The following MOB1B variants were observed in gnomAD, a reference collection of about 807,000 sequenced individuals.
MOB1B encodes MOB1 Mps One Binder homolog B.
Under a neutral mutation model 24.4 loss-of-function variants are expected in MOB1B, and 19 were observed. The ratio of observed to expected loss-of-function variants is 0.78; its 90% confidence interval spans 0.54 to 1.14. The LOEUF (loss-of-function observed/expected upper bound fraction) is 1.14. Among genes scored for constraint, MOB1B ranks in the 50% most tolerant of loss-of-function variants. MOB1B has a pLI of 0.00. For synonymous variants in MOB1B, 76 were observed against 82.1 expected, an observed-to-expected ratio of 0.93 and a Z score of 0.40; for missense variants, 243 against 259.6, an observed-to-expected ratio of 0.94 and a Z score of 0.44.
At position 70,954,478 on chromosome 4, in the gene MOB1B, C is replaced by T. The variant is rs185153975; in HGVS notation, c.15-4396C>T. On this transcript the variant is annotated intron_variant, in intron 1 of 5. Coordinates refer to ENST00000309395, the MANE Select transcript of MOB1B (RefSeq NM_173468.4). ...TTTTCTTTTTCTTTTTCTTTTGAGA[C>T]GGAGTCTTGCTGTGTCACCCAGGCT... Among the ~76,000 whole-genome samples, 529 of 152,254 alleles carry T rather than the reference C, an allele frequency of 3.5e-3. 2 individuals carry two copies. The highest frequency in any genetic ancestry group is 0.012 in the African/African-American group (487 of 41,536).
chr4:70,972,092 C>G (rs1315703875), intron 3 of MOB1B, among the ~76,000 whole-genome samples: 3 of 151,848 alleles, frequency 2.0e-5, no homozygotes, highest in African/African-American at 7.3e-5. Context: ...TTCATTTTTA[C>G]CAGCAGATGC....
chr4:70,915,163 C>T (rs965195944), intron 1 of MOB1B, among the ~76,000 whole-genome samples: 1 of 152,078 alleles, frequency 6.6e-6, no homozygotes, highest in African/African-American at 2.4e-5. Flanking sequence ...CAATTTCTAT[C>T]GGTTTGTTAT....
chr4:70,948,653 T>A (rs1290797549), intron 1 of MOB1B, among the ~76,000 whole-genome samples: 2 of 152,202 alleles, frequency 1.3e-5, no homozygotes, highest in African/African-American at 4.8e-5. Context: ...TGTTGAGTAG[T>A]TCTTTCATGG....
At chr4:70,943,723 C>T (rs916757332) in intron 1 of MOB1B, among the ~76,000 whole-genome samples, 2 of 152,030 alleles carry the variant, frequency 1.3e-5, no homozygotes, top group Non-Finnish European at 2.9e-5. Context: ...GAAGACTATA[C>T]GTGTACCTAA....
At chr4:70,966,995 T>A (rs987143761) in intron 2 of MOB1B, among the ~76,000 whole-genome samples, 2 of 152,206 alleles carry the variant, frequency 1.3e-5, no homozygotes, top group Non-Finnish European at 2.9e-5. Flanking sequence ...AAAAGGGTTA[T>A]CAAGTAATAG....
At chr4:70,919,649 C>A (rs1471022698) in intron 1 of MOB1B, among the ~76,000 whole-genome samples, 2 of 152,150 alleles carry the variant, frequency 1.3e-5, no homozygotes, top group Non-Finnish European at 2.9e-5. Flanking sequence ...CAGGCGCGCA[C>A]CACCATGCCA....
intron 1 of MOB1B, among the ~76,000 whole-genome samples, chr4:70,946,105 T>G (rs1372917205): frequency 6.8e-6 from 1 of 147,408 alleles, no homozygotes; most frequent in Non-Finnish European, 1.5e-5. Flanking sequence ...TTTTTTTTTT[T>G]TGGCCAAAGT....
intron 5 of MOB1B, among the ~76,000 whole-genome samples, chr4:70,980,976 C>T (rs982972181): frequency 1.3e-5 from 2 of 152,068 alleles, no homozygotes; most frequent in East Asian, 1.9e-4. Flanking sequence ...TGGCTTTCCT[C>T]ATGTCACTAC....
intron 1 of MOB1B, among the ~76,000 whole-genome samples, chr4:70,943,705 T>C (rs1433499264): frequency 6.6e-6 from 1 of 152,156 alleles, no homozygotes; most frequent in African/African-American, 2.4e-5. Flanking sequence ...TTGGTAAATA[T>C]AGTAGTAGAA....
chr4:70,983,414 T>G lies in MOB1B; in HGVS notation c.*1357T>G, dbSNP rs546434397. ...TTCTAAATTTTATTCGCCATGACTT[T>G]CTAGTGAATTATTACCATAAATAAC... On this transcript the variant is annotated 3_prime_UTR_variant, in exon 6 of 6. Transcript: ENST00000309395. The G allele has an allele frequency of 1.3e-5, 2 of 152,636 alleles. No individual in the cohort carries two copies. Among genetic ancestry groups the G allele is most frequent in the South Asian group, 4.1e-4 (2 of 4,830 alleles). The allele number at this position is 152,636 out of a possible 1,614,324, so 9.5% of individuals were successfully genotyped here.
chr4:70,909,250 C>G (rs1449642904), intron 1 of MOB1B, among the ~76,000 whole-genome samples: 1 of 152,030 alleles, frequency 6.6e-6, no homozygotes, highest in African/African-American at 2.4e-5. Context: ...TCACTTCCCC[C>G]CAAGCCCCCA....
intron 1 of MOB1B, among the ~76,000 whole-genome samples, chr4:70,937,021 A>G (rs1018593635): frequency 7.2e-5 from 11 of 152,040 alleles, no homozygotes; most frequent in African/African-American, 2.7e-4. Flanking sequence ...GGTTCAAGCT[A>G]TTCTCCTGCC....
In MOB1B at chr4:70,944,715, G is replaced by A. The variant is rs145241432; in HGVS notation, c.15-14159G>A. Among the ~76,000 whole-genome samples, 553 of 152,212 alleles carry A rather than the reference G, an allele frequency of 3.6e-3. 2 individuals carry two copies. Among genetic ancestry groups the A allele is most frequent in the African/African-American group, 7.6e-3 (317 of 41,508 alleles). ...AGAAGGCAAAAGGGAGAGCAGGTAC[G>A]TCACATGGCAAAAGTAGGAGCAAGA... On this transcript the variant is annotated intron_variant, in intron 1 of 5. Coordinates refer to ENST00000309395, the MANE Select transcript of MOB1B (RefSeq NM_173468.4).
intron 4 of MOB1B, chr4:70,976,655 A>T: frequency 1.0e-6 from 1 of 968,978 alleles, no homozygotes; most frequent in Non-Finnish European, 1.2e-6. Context: ...ACAACAATAT[A>T]AATAGTTGTT....
chr4:70,979,457 A>G (rs1406780475), intron 5 of MOB1B, among the ~76,000 whole-genome samples, 166 bp downstream of exon 5: 1 of 152,054 alleles, frequency 6.6e-6, no homozygotes, highest in African/African-American at 2.4e-5. Context: ...TTTGTTTCTA[A>G]ATTTTATTAG....
At chr4:70,907,495 G>T (rs7692779) in intron 1 of MOB1B, among the ~76,000 whole-genome samples, 122,989 of 152,150 alleles carry the variant, frequency 0.81, 53,085 homozygotes, top group Non-Finnish European at 0.96. Context: ...ATTTGGAACG[G>T]AGTTAAAACA....
intron 2 of MOB1B, among the ~76,000 whole-genome samples, chr4:70,964,173 T>G (rs925744859): frequency 1.7e-4 from 26 of 152,220 alleles, no homozygotes; most frequent in Admixed American, 1.1e-3. Context: ...ATGGTCATAA[T>G]GGGAGATTTT....
rs977642180 is a variant in MOB1B at position 70,955,073 on chromosome 4, A to G, written c.15-3801A>G. The stretch of plus-strand genomic sequence containing the variant: ...AGTGCTGGGACTACAGGCATGAGCC[A>G]CTGTGCCCGGCCTAGATTTTATTTT... On this transcript the variant is annotated intron_variant, in intron 1 of 5. Transcript: ENST00000309395. Among the ~76,000 whole-genome samples, 3 of 152,254 alleles carry G rather than the reference A, an allele frequency of 2.0e-5. No homozygotes were observed. In the East Asian group the frequency reaches 5.8e-4, roughly 29 times the overall value.
chr4:70,903,282 C>T lies in MOB1B; in HGVS notation c.14+732C>T, dbSNP rs1735594447. On this transcript the variant is annotated intron_variant, in intron 1 of 5. Coordinates refer to ENST00000309395, the MANE Select transcript of MOB1B (RefSeq NM_173468.4). ...TGTGCCCTGCCTAGGTTGATTAGGT[C>T]CACTGGGGAGTTGTTTTGAAAATCA... is the stretch of plus-strand genomic sequence containing the variant. Among the ~76,000 whole-genome samples the T allele has an allele frequency of 2.0e-5, 3 of 152,194 alleles. No individual in the cohort carries two copies. In the South Asian group the frequency reaches 6.2e-4, roughly 31 times the overall value.
Sources: gnomAD v4.1 joint callset for allele counts (sites outside exome capture counted in the v4.1 genomes callset) on GRCh38, gnomAD v4.1.1 for gene constraint, MANE v1.5 for transcripts, NCBI Gene and HGNC (gene_info 2026-07-23, HGNC 2026-07-21) for gene names.